Variants in RAB12 observed in about 807,000 individuals in gnomAD.
The protein encoded by RAB12 is RAB12, member RAS oncogene family, also known as ras-related protein Rab-12.
RAB12 carries 11 observed loss-of-function variants against 28.4 expected under a neutral mutation model. That is an observed-to-expected ratio of 0.39 (90% CI 0.24 to 0.64). The LOEUF is 0.64. RAB12 is among the 30% of genes least tolerant of loss of function. RAB12 has a pLI of 0.50. For missense variants in RAB12, 276 were observed against 351.1 expected (o/e 0.79, Z 1.71); for synonymous variants, 138 against 145.3 (o/e 0.95, Z 0.36).
chr18:8,614,049 A>G (rs1322675842), intron 1 of RAB12, among the ~76,000 whole-genome samples: 5 of 152,204 alleles, frequency 3.3e-5, no homozygotes, highest in South Asian at 2.1e-4. Context: ...CTTTTTAACT[A>G]TCTTTCTGTC....
intron 2 of RAB12, among the ~76,000 whole-genome samples, chr18:8,625,656 G>A (rs1340771837): frequency 2.0e-5 from 3 of 152,154 alleles, no homozygotes; most frequent in Non-Finnish European, 2.9e-5. Flanking sequence ...AGGTGCTAGC[G>A]ACCTGTCTGT....
rs1375028086 is a variant in RAB12 at position 8,636,247 on chromosome 18, T to C, written c.805-6T>C. The C allele has an allele frequency of 6.2e-7, 1 of 1,603,828 alleles. No individual in the cohort carries two copies. The highest frequency in any genetic ancestry group is 8.5e-7 in the Non-Finnish European group (1 of 1,170,756). ...ACAGAGGAAATAGGTGTGTGTTTCT[T>C]CTCAGTTTGCACAGCAGATCACTGG... On this transcript the variant is annotated splice_polypyrimidine_tract_variant and splice_region_variant and intron_variant, in intron 4 of 5. Transcript: ENST00000649141.
chr18:8,633,731 G>T (rs140350534), intron 3 of RAB12, among the ~76,000 whole-genome samples: 1 of 152,146 alleles, frequency 6.6e-6, no homozygotes, highest in African/African-American at 2.4e-5. Flanking sequence ...TGTCCCACGC[G>T]CCTCCGTCAC....
At chr18:8,615,629 T>G (rs2096006329) in intron 1 of RAB12, among the ~76,000 whole-genome samples, 1 of 152,202 alleles carries the variant, frequency 6.6e-6, no homozygotes, top group South Asian at 2.1e-4. Flanking sequence ...CAACATTTAG[T>G]TCTTATACCC....
At chr18:8,617,832 T>C (rs1037774021) in intron 1 of RAB12, among the ~76,000 whole-genome samples, 7 of 152,176 alleles carry the variant, frequency 4.6e-5, no homozygotes, top group Middle Eastern at 3.2e-3. Context: ...GTCTACCAGC[T>C]TCCCTGACTT....
intron 1 of RAB12, among the ~76,000 whole-genome samples, chr18:8,610,702 G>C (rs1056113856): frequency 3.9e-5 from 6 of 152,298 alleles, no homozygotes; most frequent in African/African-American, 1.4e-4. Flanking sequence ...TAGAGGACTT[G>C]ACATTGAGAT....
At chr18:8,629,967 T>TAA (rs1351250031) in intron 2 of RAB12, among the ~76,000 whole-genome samples, 2 of 152,220 alleles carry the variant, frequency 1.3e-5, no homozygotes, top group Non-Finnish European at 2.9e-5. Flanking sequence ...GCTTTGCAAG[T>TAA]GTTAGTCCTT....
At chr18:8,615,135 C>T (rs1005757849) in intron 1 of RAB12, among the ~76,000 whole-genome samples, 1 of 152,154 alleles carries the variant, frequency 6.6e-6, no homozygotes, top group Non-Finnish European at 1.5e-5. Flanking sequence ...CGAGTGACTC[C>T]GTTTCTTTGG....
chr18:8,618,201 T>G (rs2148707098), intron 1 of RAB12, among the ~76,000 whole-genome samples: 1 of 152,214 alleles, frequency 6.6e-6, no homozygotes, highest in African/African-American at 2.4e-5. Flanking sequence ...TGTGCTTCTG[T>G]GTACAGGGTG....
At chr18:8,625,038 G>A in intron 2 of RAB12, 40 bp downstream of exon 2, 1 of 1,278,666 alleles carries the variant, frequency 7.8e-7, no homozygotes, top group Non-Finnish European at 1.1e-6. Context: ...TGCTGTGTGT[G>A]TTTAACAGTC....
rs1598315808 is a variant in RAB12 at position 8,639,144 on chromosome 18, G to GTTTTTTTTTTTTTT, written c.*884_*885insTTTTTTTTTTTTTT. 2.0e-3 allele frequency: 33 copies of GTTTTTTTTTTTTTT among 16,582 alleles called. 1 individual carries two copies. The highest frequency in any genetic ancestry group is 8.9e-3 in the South Asian group (4 of 448). 1.0% of individuals were successfully genotyped at this position (16,582 alleles called of 1,614,324 possible). ...CTTATTCTGATTAAGCCTAGACTGT[G>GTTTTTTTTTTTTTT]TTCTTTTTTTTTTTTTTTTTTTTTT... is the stretch of plus-strand genomic sequence containing the variant. On this transcript the variant is annotated 3_prime_UTR_variant, in exon 6 of 6. Coordinates refer to ENST00000649141, the MANE Select transcript of RAB12 (RefSeq NM_001025300.3).
chr18:8,631,806 A>G (rs181307543), intron 2 of RAB12, among the ~76,000 whole-genome samples: 3 of 152,226 alleles, frequency 2.0e-5, no homozygotes, highest in Admixed American at 6.5e-5. Context: ...GTTGGCTAAC[A>G]TTAATCCTTC....
At chr18:8,620,165 C>CAA (rs10680284) in intron 1 of RAB12, among the ~76,000 whole-genome samples, 19,703 of 75,266 alleles carry the variant, frequency 0.26, 3,135 homozygotes, top group African/African-American at 0.45. Context: ...TTTTTTGCTT[C>CAA]AAAAAAAAAA....
At position 8,636,267 on chromosome 18, in the gene RAB12, C is replaced by G; in HGVS notation, c.819C>G (p.Ile273Met). The change falls in exon 5 of 6, where the codon ATC (isoleucine) becomes ATG (methionine). Residue 273 changes from isoleucine (I) to methionine (M), a missense_variant. Ile to Met is a conservative substitution (Grantham distance 10). Transcript: ENST00000649141. ...TTTCTTCTCAGTTTGCACAGCAGAT[C>G]ACTGGGATGCGGTTCTGTGAAGCAA... ...RQQGEKFAQQ[I>M]TGMRFCEASA... The G allele has an allele frequency of 1.2e-6, 2 of 1,612,528 alleles. No individual in the cohort carries two copies. Among genetic ancestry groups the G allele is most frequent in the Non-Finnish European group, 1.7e-6 (2 of 1,178,590 alleles).
At chr18:8,632,312 A>G (rs1015605557) in intron 2 of RAB12, among the ~76,000 whole-genome samples, 3 of 146,996 alleles carry the variant, frequency 2.0e-5, no homozygotes, top group Admixed American at 6.8e-5. Flanking sequence ...AGTAATTGGG[A>G]CTTATTGATG....
rs2096020338 is a variant in RAB12, at chr18:8,638,629, G to GT, written c.*368dup. 6.4e-6 allele frequency: 1 copy of GT among 157,192 alleles called. No homozygotes were observed. The highest frequency in any genetic ancestry group is 2.4e-5 in the African/African-American group (1 of 41,560). 9.7% of individuals were successfully genotyped at this position (157,192 alleles called of 1,614,324 possible). ...AGATATTCTGATAAGAGAGAACGTGGTGCTTTGCTTACCGTTTTAAAGAAA... is the reference window on the plus strand; with the variant it reads ...AGATATTCTGATAAGAGAGAACGTGGTTGCTTTGCTTACCGTTTTAAAGAAA... On this transcript the variant is annotated 3_prime_UTR_variant, in exon 6 of 6. Transcript: ENST00000649141.
In RAB12 at chr18:8,624,952, A is replaced by G; in HGVS notation, c.529A>G (p.Ile177Val). ...TTTATTTACAGGTGTTGACTTCAAAATCAAAACTGTAGAGCTAAGAGGAAA... is the reference window on the plus strand; with the variant it reads ...TTTATTTACAGGTGTTGACTTCAAAGTCAAAACTGTAGAGCTAAGAGGAAA... ...CKSTVGVDFK[I>V]KTVELRGKKI... The change falls in exon 2 of 6, where the codon ATC becomes GTC. Residue 177 changes from isoleucine to valine, a missense_variant. Ile to Val is a conservative substitution (Grantham distance 29, BLOSUM62 3). Transcript: ENST00000649141. 6.2e-7 allele frequency: 1 copy of G among 1,601,840 alleles called. No homozygotes were observed. Among genetic ancestry groups the G allele is most frequent in the South Asian group, 1.1e-5 (1 of 90,246 alleles).
intron 2 of RAB12, among the ~76,000 whole-genome samples, chr18:8,625,798 C>T (rs1207074227): frequency 6.6e-6 from 1 of 152,210 alleles, no homozygotes; most frequent in East Asian, 1.9e-4. Context: ...CTCCTCTTGG[C>T]AGGTCACCCT....
At chr18:8,620,122 CT>C (rs1305957741) in intron 1 of RAB12, among the ~76,000 whole-genome samples, 6 of 29,304 alleles carry the variant, frequency 2.0e-4, no homozygotes, top group South Asian at 1.8e-3. Context: ...ACAAAGCCTT[CT>C]TTTTTTTTTC....
Sources: allele counts gnomAD v4.1 joint callset (sites outside exome capture counted in the v4.1 genomes callset), GRCh38; gene constraint gnomAD v4.1.1; transcripts MANE v1.5; gene names NCBI Gene and HGNC (gene_info 2026-07-23, HGNC 2026-07-21).